Variants in ADAP2 observed in about 807,000 individuals in gnomAD.
ADAP2 encodes arf-GAP with dual PH domain-containing protein 2.
ADAP2 carries 42 observed loss-of-function variants against 54.9 expected under a neutral mutation model. The observed-to-expected ratio is 0.77, with a 90% confidence interval of 0.60 to 0.99. The LOEUF (loss-of-function observed/expected upper bound fraction) is 0.99, where lower values mean the gene tolerates loss of function less well. Among genes scored for constraint, ADAP2 ranks in the 50% least tolerant of loss-of-function variants. The pLI, the probability that ADAP2 is intolerant of heterozygous loss-of-function variation, is 0.00. For missense variants in ADAP2, 429 were observed against 480.4 expected, an observed-to-expected ratio of 0.89 and a Z score of 1.00; for synonymous variants, 177 against 180.1, an observed-to-expected ratio of 0.98 and a Z score of 0.14.
At chr17:30,949,015 G>A (rs977249492) in intron 6 of ADAP2, among the ~76,000 whole-genome samples, 12 of 152,318 alleles carry the variant, frequency 7.9e-5, no homozygotes, top group Admixed American at 5.9e-4. Flanking sequence ...AGCACTGTCC[G>A]AGGCCATTGC....
At chr17:30,949,918 G>C (rs567957920) in intron 7 of ADAP2, among the ~76,000 whole-genome samples, 1 of 152,356 alleles carries the variant, frequency 6.6e-6, no homozygotes, top group African/African-American at 2.4e-5. Flanking sequence ...AAGCTGGTCA[G>C]TGTCTCCCCT....
chr17:30,928,609 C>T (rs1247658235), intron 3 of ADAP2, among the ~76,000 whole-genome samples: 5 of 152,194 alleles, frequency 3.3e-5, no homozygotes, highest in Non-Finnish European at 7.3e-5. Context: ...GCTACTATCC[C>T]TATGCTATAG....
At chr17:30,951,498 AT>A (rs1372629084) in intron 7 of ADAP2, among the ~76,000 whole-genome samples, 1 of 151,550 alleles carries the variant, frequency 6.6e-6, no homozygotes, top group Non-Finnish European at 1.5e-5. Flanking sequence ...TACATTAAAA[AT>A]TTTTTTTTAA....
chr17:30,931,001 C>A (rs1403568414), intron 3 of ADAP2, among the ~76,000 whole-genome samples: 1 of 152,170 alleles, frequency 6.6e-6, no homozygotes, highest in Non-Finnish European at 1.5e-5. Flanking sequence ...GGGTAACTTG[C>A]TCATGGTCAC....
At chr17:30,938,941 C>T (rs534787399) in intron 5 of ADAP2, among the ~76,000 whole-genome samples, 2 of 151,968 alleles carry the variant, frequency 1.3e-5, no homozygotes, top group South Asian at 2.1e-4. Context: ...ATACATGTAG[C>T]GAAATTTCAC....
At chr17:30,926,692 T>C (rs1368152461) in intron 2 of ADAP2, 135 bp from the exon 3 acceptor site, 12 of 720,696 alleles carry the variant, frequency 1.7e-5, no homozygotes, top group Admixed American at 4.4e-5. Context: ...CCCAGCAGTA[T>C]GGATGACCAA....
intron 5 of ADAP2, among the ~76,000 whole-genome samples, chr17:30,937,315 G>A (rs906680239): frequency 5.3e-5 from 8 of 149,840 alleles, no homozygotes; most frequent in East Asian, 2.0e-4. Flanking sequence ...TCCACCTCCC[G>A]GGTTCAAGTG....
chr17:30,951,426 A>T (rs889248798), intron 7 of ADAP2, among the ~76,000 whole-genome samples: 2 of 152,106 alleles, frequency 1.3e-5, no homozygotes, highest in African/African-American at 4.8e-5. Context: ...CAAATGGAAC[A>T]ATTAAAGCCT....
intron 5 of ADAP2, among the ~76,000 whole-genome samples, chr17:30,935,591 G>A (rs548819493): frequency 2.2e-4 from 33 of 152,204 alleles, no homozygotes; most frequent in African/African-American, 6.0e-4. Flanking sequence ...GCACAGGTAT[G>A]GTCAAACACA....
chr17:30,927,508 G>A (rs757446884), intron 3 of ADAP2, among the ~76,000 whole-genome samples: 2 of 151,962 alleles, frequency 1.3e-5, no homozygotes, highest in Non-Finnish European at 2.9e-5. Flanking sequence ...CCAGCTACTT[G>A]GAAGGCTGAG....
At chr17:30,935,082 A>AAAAACC (rs1474681453) in intron 5 of ADAP2, among the ~76,000 whole-genome samples, 1 of 151,886 alleles carries the variant, frequency 6.6e-6, no homozygotes, top group Admixed American at 6.6e-5. Context: ...AAACAAAAAC[A>AAAAACC]AAAACCGGGC....
chr17:30,927,042 C>G, intron 3 of ADAP2, 124 bp downstream of exon 3: 1 of 715,768 alleles, frequency 1.4e-6, no homozygotes, highest in Non-Finnish European at 2.4e-6. Context: ...GCAGGTGGAT[C>G]CAGGAAAGCA....
intron 4 of ADAP2, among the ~76,000 whole-genome samples, chr17:30,933,047 G>T (rs1911611221): frequency 6.6e-6 from 1 of 152,076 alleles, no homozygotes; most frequent in African/African-American, 2.4e-5. Context: ...CTGTGGCCCT[G>T]GACCTGTGGC....
chr17:30,928,704 A>G (rs1911254537), intron 3 of ADAP2, among the ~76,000 whole-genome samples: 1 of 152,098 alleles, frequency 6.6e-6, no homozygotes, highest in African/African-American at 2.4e-5. Flanking sequence ...TGGAATTGGG[A>G]TAATTTTATA....
chr17:30,933,064 AC>A (rs1354935592), intron 4 of ADAP2, among the ~76,000 whole-genome samples: 1 of 151,938 alleles, frequency 6.6e-6, no homozygotes, highest in Non-Finnish European at 1.5e-5. Flanking sequence ...TGGCAGTTTC[AC>A]CCCCACGGTC....
chr17:30,922,921 C>T lies in ADAP2; in HGVS notation c.95-19C>T. The T allele has an allele frequency of 6.2e-7, 1 of 1,612,642 alleles. No individual in the cohort carries two copies. ...ACCGCGCTTTCCGCTCAGCTCCTCT[C>T]CTGCCTCATCCCCTGCAGATCCCGA... On this transcript the variant is annotated intron_variant, in intron 1 of 10. Coordinates refer to ENST00000330889, the MANE Select transcript of ADAP2 (RefSeq NM_018404.3).
intron 6 of ADAP2, among the ~76,000 whole-genome samples, chr17:30,945,729 C>G (rs1471337130): frequency 6.6e-6 from 1 of 151,326 alleles, no homozygotes; most frequent in Non-Finnish European, 1.5e-5. Context: ...GCACTCCAAG[C>G]CTGGGTGACA....
At chr17:30,949,592 CA>C (rs1160988219) in intron 7 of ADAP2, among the ~76,000 whole-genome samples, 1 of 151,552 alleles carries the variant, frequency 6.6e-6, no homozygotes, top group Non-Finnish European at 1.5e-5. Context: ...ACTAAAAATA[CA>C]AAAAAATTAG....
At position 30,956,287 on chromosome 17, in the gene ADAP2, G is replaced by C; in HGVS notation, c.929G>C (p.Gly310Ala). 6.2e-7 allele frequency: 1 copy of C among 1,614,196 alleles called. No individual in the cohort carries two copies. The highest frequency in any genetic ancestry group is 8.5e-7 in the Non-Finnish European group (1 of 1,180,034). ...GQVFLGNKEQ[G>A]YEAYEDLPKG... is the part of the protein sequence containing the mutation. ...GTTTTTCTTGGGAACAAGGAGCAGG[G>C]ATATGAAGCCTACGAAGACCTGCCC... The change falls in exon 10 of 11, where the codon GGA becomes GCA. Residue 310 changes from glycine (G) to alanine (A), a missense_variant. By Grantham distance (60) the Gly-to-Ala change is moderately conservative. Coordinates refer to ENST00000330889, the MANE Select transcript of ADAP2 (RefSeq NM_018404.3).
Sources: allele counts gnomAD v4.1 joint callset (sites outside exome capture counted in the v4.1 genomes callset), GRCh38; gene constraint gnomAD v4.1.1; transcripts MANE v1.5; gene names NCBI Gene and HGNC (gene_info 2026-07-23, HGNC 2026-07-21).